Variants in RABEP1 observed in about 807,000 individuals in gnomAD.
The protein encoded by RABEP1 is rabaptin, RAB GTPase binding effector protein 1, also known as rab GTPase-binding effector protein 1.
RABEP1 carries 51 observed loss-of-function variants against 123.4 expected under a neutral mutation model. The ratio of observed to expected loss-of-function variants is 0.41; its 90% confidence interval spans 0.33 to 0.52. The LOEUF is 0.52. RABEP1 is among the 20% of genes least tolerant of loss of function. RABEP1 has a pLI of 0.16. For synonymous variants in RABEP1, 347 were observed against 355.2 expected (o/e 0.98, Z 0.26); for missense variants, 888 against 996.3 (o/e 0.89, Z 1.46).
intron 10 of RABEP1, among the ~76,000 whole-genome samples, chr17:5,364,748 A>G (rs1031460096): frequency 7.9e-5 from 12 of 151,490 alleles, no homozygotes; most frequent in Admixed American, 2.0e-4. Flanking sequence ...GAAGACTTTG[A>G]GAGGCATTTA....
intron 2 of RABEP1, among the ~76,000 whole-genome samples, chr17:5,319,570 T>C (rs1380342423): frequency 3.3e-5 from 5 of 151,992 alleles, no homozygotes; most frequent in Non-Finnish European, 4.4e-5. Flanking sequence ...TTTCACCATG[T>C]TGGCTATGCT....
At chr17:5,318,326 T>G (rs1171969955) in intron 2 of RABEP1, among the ~76,000 whole-genome samples, 1 of 152,162 alleles carries the variant, frequency 6.6e-6, no homozygotes, top group Non-Finnish European at 1.5e-5. Flanking sequence ...AATGGGAGTA[T>G]GCTATCAAAA....
chr17:5,313,340 A>G (rs2144538153), intron 2 of RABEP1, among the ~76,000 whole-genome samples: 1 of 152,080 alleles, frequency 6.6e-6, no homozygotes, highest in South Asian at 2.1e-4. Context: ...AATGATATCC[A>G]TTTTCTCCTT....
intron 5 of RABEP1, among the ~76,000 whole-genome samples, chr17:5,341,986 G>C (rs979406891): frequency 9.2e-5 from 14 of 152,198 alleles, no homozygotes; most frequent in African/African-American, 3.4e-4. Flanking sequence ...CCCATGCTCA[G>C]TAATTCAGAA....
rs566543315 is a variant in RABEP1, at chr17:5,379,780, G to A, written c.2272-584G>A. 1.2e-4 allele frequency among the ~76,000 whole-genome samples: 19 copies of A among 152,146 alleles called. No individual in the cohort carries two copies. The South Asian group carries it at 2.1e-3, about 17-fold the overall frequency. On this transcript the variant is annotated intron_variant, in intron 15 of 17. Transcript: ENST00000537505. ...ATATTTAAACATTAGAAACTTGTTC[G>A]CGTCCCAGTCTAGTGGAAAGCCCTC...
chr17:5,288,394 A>G (rs1449716269), intron 1 of RABEP1, among the ~76,000 whole-genome samples: 1 of 151,702 alleles, frequency 6.6e-6, no homozygotes, highest in African/African-American at 2.4e-5. Flanking sequence ...TTTTTATTTT[A>G]TTTTATTTAT....
chr17:5,317,626 GA>G, intron 2 of RABEP1, among the ~76,000 whole-genome samples: 2 of 149,604 alleles, frequency 1.3e-5, no homozygotes, highest in South Asian at 4.2e-4. Context: ...TACTGGAAAG[GA>G]TATATATATA....
At position 5,380,410 on chromosome 17, in the gene RABEP1, A is replaced by T. The variant is rs750818208; in HGVS notation, c.2318A>T (p.Gln773Leu). The T allele has an allele frequency of 1.9e-6, 3 of 1,573,344 alleles. No individual in the cohort carries two copies. The highest frequency in any genetic ancestry group is 2.6e-6 in the Non-Finnish European group (3 of 1,157,986). Residue 773 changes from glutamine (Q) to leucine (L), a missense_variant, in exon 16 of 18, where the codon CAG becomes CTG. Gln to Leu is a moderately radical substitution (Grantham distance 113). Coordinates refer to ENST00000537505, the MANE Select transcript of RABEP1 (RefSeq NM_004703.6). Reference protein sequence around the residue: ...REKSQQLESLQEIKISLEEQL... With the variant: ...REKSQQLESLLEIKISLEEQL... ...AAGTCTCAACAGCTTGAGAGTCTTC[A>T]GGAAATAAAGATCAGTTTGGAAGAG...
intron 2 of RABEP1, among the ~76,000 whole-genome samples, chr17:5,319,280 G>T (rs2144558464): frequency 7.4e-6 from 1 of 134,738 alleles, no homozygotes; most frequent in East Asian, 2.2e-4. Flanking sequence ...AGTGAGCTGA[G>T]ATCATGCCAC....
Position 5,361,481 on chromosome 17 carries a change from C to T in RABEP1, c.1369C>T (p.Leu457Phe), listed in dbSNP as rs766533102. The T allele has an allele frequency of 1.2e-6, 2 of 1,614,020 alleles. No individual in the cohort carries two copies. Among genetic ancestry groups the T allele is most frequent in the Non-Finnish European group, 8.5e-7 (1 of 1,180,032 alleles). Reference protein sequence around the residue: ...SVSENFDTASLGSLQMPSGFM... With the variant: ...SVSENFDTASFGSLQMPSGFM... Reference sequence around the variant, plus strand: ...GTCTGAGAACTTTGATACTGCATCCCTTGGGTCACTCCAGATGCCAAGTGG... The same window carrying T: ...GTCTGAGAACTTTGATACTGCATCCTTTGGGTCACTCCAGATGCCAAGTGG... The change falls in exon 9 of 18, where the codon CTT becomes TTT. Residue 457 changes from leucine (L) to phenylalanine (F), a missense_variant. Transcript: ENST00000537505.
intron 5 of RABEP1, among the ~76,000 whole-genome samples, chr17:5,339,985 ATGAACT>A (rs1292634883): frequency 1.3e-5 from 2 of 152,166 alleles, no homozygotes; most frequent in Non-Finnish European, 2.9e-5. Flanking sequence ...TATAATAGTC[ATGAACT>A]TGAATGCACC....
At chr17:5,326,723 ATG>A (rs1906007023) in intron 2 of RABEP1, among the ~76,000 whole-genome samples, 1 of 152,074 alleles carries the variant, frequency 6.6e-6, no homozygotes, top group African/African-American at 2.4e-5. Context: ...AGGAGTGTGG[ATG>A]TACAGGGGTG....
At chr17:5,335,769 CTT>C (rs1491352071) in intron 4 of RABEP1, among the ~76,000 whole-genome samples, 3 of 151,908 alleles carry the variant, frequency 2.0e-5, no homozygotes, top group African/African-American at 7.3e-5. Flanking sequence ...AGGAGTTTCT[CTT>C]TCTCTCTTTT....
intron 2 of RABEP1, among the ~76,000 whole-genome samples, chr17:5,311,489 G>T (rs978029743): frequency 1.3e-5 from 2 of 151,852 alleles, no homozygotes; most frequent in Admixed American, 6.6e-5. Context: ...AAGGTCATGA[G>T]TTCGAGACCA....
At chr17:5,314,392 G>GCCA in intron 2 of RABEP1, among the ~76,000 whole-genome samples, 1 of 151,248 alleles carries the variant, frequency 6.6e-6, no homozygotes, top group South Asian at 2.1e-4. Flanking sequence ...ACAGGCGGGT[G>GCCA]CCACCACGCC....
At chr17:5,297,759 G>C (rs2075096911) in intron 1 of RABEP1, among the ~76,000 whole-genome samples, 1 of 152,190 alleles carries the variant, frequency 6.6e-6, no homozygotes, top group Non-Finnish European at 1.5e-5. Context: ...GTTACAGATG[G>C]AGAGAAGGAA....
chr17:5,342,634 T>C (rs1170117955), intron 5 of RABEP1, among the ~76,000 whole-genome samples: 1 of 152,198 alleles, frequency 6.6e-6, no homozygotes, highest in Non-Finnish European at 1.5e-5. Flanking sequence ...AAAGTAGACA[T>C]TGTATCCCCA....
rs118026590 is a variant in RABEP1 at position 5,349,673 on chromosome 17, G to A, written c.785-778G>A. Among the ~76,000 whole-genome samples the A allele has an allele frequency of 6.7e-3, 1,019 of 152,014 alleles. 9 individuals carry two copies. The highest frequency in any genetic ancestry group is 0.034 in the Middle Eastern group (10 of 292). On this transcript the variant is annotated intron_variant, in intron 6 of 17. Transcript: ENST00000537505. ...GGCCTTTGGAGCAATGTTTCCCAAA[G>A]TATATTCCCTAGAGTACTTGTTATT... is the stretch of plus-strand genomic sequence containing the variant.
chr17:5,300,698 C>T (rs1269103741), intron 1 of RABEP1, among the ~76,000 whole-genome samples: 2 of 152,192 alleles, frequency 1.3e-5, no homozygotes, highest in East Asian at 3.8e-4. Flanking sequence ...TTAATCATTG[C>T]TTAGCACCCT....
Sources: allele counts gnomAD v4.1 joint callset (sites outside exome capture counted in the v4.1 genomes callset), GRCh38; gene constraint gnomAD v4.1.1; transcripts MANE v1.5; gene names NCBI Gene and HGNC (gene_info 2026-07-23, HGNC 2026-07-21).